The following NARS2 variants were observed in gnomAD, a reference collection of about 807,000 sequenced individuals.
NARS2 encodes asparaginyl-tRNA synthetase.
NARS2 carries 60 observed loss-of-function variants against 62.9 expected under a neutral mutation model. That is an observed-to-expected ratio of 0.95 (90% confidence interval 0.77 to 1.18). The LOEUF is 1.18. NARS2 is among the 50% of genes most tolerant of loss of function. The pLI is 0.00. For missense variants in NARS2, 619 were observed against 576.4 expected, an observed-to-expected ratio of 1.07 and a Z score of -0.76; for synonymous variants, 196 against 200.0, an observed-to-expected ratio of 0.98 and a Z score of 0.17.
chr11:78,496,433 GA>G, intron 6 of NARS2, among the ~76,000 whole-genome samples: 1 of 152,204 alleles, frequency 6.6e-6, no homozygotes, highest in African/African-American at 2.4e-5. Context: ...TCCAGAATAA[GA>G]AACTGCAGTT....
chr11:78,450,899 C>T (rs926420221), intron 11 of NARS2, among the ~76,000 whole-genome samples: 10 of 142,178 alleles, frequency 7.0e-5, no homozygotes, highest in African/African-American at 7.7e-5. Context: ...GCAGGCAGGC[C>T]TCTAACTCCT....
In NARS2 at chr11:78,436,729, C is replaced by T. The variant is rs375595759; in HGVS notation, c.1375G>A (p.Val459Ile). The T allele has an allele frequency of 3.1e-6, 5 of 1,614,074 alleles. No individual in the cohort carries two copies. The highest frequency in any genetic ancestry group is 4.2e-6 in the Non-Finnish European group (5 of 1,180,022). ...GGGATAACATCTTTGATATTGTCAA[C>T]ACCCAAGATGCACTGCAGGTAGCGT... ...FERYLQCILGVDNIKDVIPFP... is the reference protein window; with the variant it reads ...FERYLQCILGIDNIKDVIPFP... The change falls in exon 14 of 14, where the codon GTT becomes ATT. Residue 459 changes from valine (V) to isoleucine (I), a missense_variant. Coordinates refer to ENST00000281038, the MANE Select transcript of NARS2 (RefSeq NM_024678.6).
Position 78,554,508 on chromosome 11 carries a change from CGTGTGT to C in NARS2, c.594+5025_594+5030del, listed in dbSNP as rs71046981. Among the ~76,000 whole-genome samples the C allele has an allele frequency of 5.5e-3, 813 of 147,016 alleles. 6 individuals carry two copies. The highest frequency in any genetic ancestry group is 0.02 in the African/African-American group (781 of 39,398). ...TTAGCTGTATTCCTAGGCGTGTGTGCGTGTGTGTGTGTGTGTGTGTGTCAACTGTGA... is the reference window on the plus strand; with the variant it reads ...TTAGCTGTATTCCTAGGCGTGTGTGCGTGTGTGTGTGTGTGTCAACTGTGA... On this transcript the variant is annotated intron_variant, in intron 5 of 13. Transcript: ENST00000281038.
chr11:78,484,947 G>GT (rs1859508856), intron 7 of NARS2, among the ~76,000 whole-genome samples: 2 of 152,208 alleles, frequency 1.3e-5, no homozygotes, highest in South Asian at 4.1e-4. Flanking sequence ...GTTTATTGCA[G>GT]TACTATTTAC....
intron 6 of NARS2, among the ~76,000 whole-genome samples, chr11:78,524,387 C>T (rs532950088): frequency 6.7e-4 from 18 of 26,724 alleles, no homozygotes; most frequent in African/African-American, 9.2e-4. Flanking sequence ...TAATTTATTC[C>T]AACAACAACA....
intron 4 of NARS2, among the ~76,000 whole-genome samples, chr11:78,561,983 C>T (rs528173084): frequency 5.5e-4 from 84 of 152,060 alleles, no homozygotes; most frequent in African/African-American, 2.0e-3. Flanking sequence ...TGCAGTGAGC[C>T]GAGATCACGC....
chr11:78,469,088 A>G (rs1243798971), intron 10 of NARS2, among the ~76,000 whole-genome samples, 159 bp downstream of exon 10: 1 of 152,212 alleles, frequency 6.6e-6, no homozygotes, highest in Non-Finnish European at 1.5e-5. Context: ...AACAAGATTC[A>G]GCAAACATCA....
chr11:78,485,039 T>C (rs556646113), intron 7 of NARS2, among the ~76,000 whole-genome samples: 2 of 152,222 alleles, frequency 1.3e-5, no homozygotes, highest in African/African-American at 4.8e-5. Flanking sequence ...GTATGCACCA[T>C]GGAATACCAT....
intron 5 of NARS2, among the ~76,000 whole-genome samples, chr11:78,550,694 A>G (rs1856067213): frequency 6.6e-6 from 1 of 152,224 alleles, no homozygotes; most frequent in Non-Finnish European, 1.5e-5. Context: ...AGTTTTTAAA[A>G]ATGTTGAACT....
chr11:78,452,630 A>G (rs2135168604), intron 11 of NARS2, among the ~76,000 whole-genome samples: 1 of 152,064 alleles, frequency 6.6e-6, no homozygotes, highest in South Asian at 2.1e-4. Context: ...ACTGGTCTCA[A>G]ACTCCTTGGC....
chr11:78,477,033 A>G (rs575493207), intron 9 of NARS2, among the ~76,000 whole-genome samples: 1 of 152,314 alleles, frequency 6.6e-6, no homozygotes, highest in Admixed American at 6.5e-5. Flanking sequence ...TGAGCTACTG[A>G]TGTATGTAAA....
intron 11 of NARS2, among the ~76,000 whole-genome samples, chr11:78,447,320 C>A (rs1295190783): frequency 2.0e-5 from 3 of 151,826 alleles, no homozygotes; most frequent in African/African-American, 7.3e-5. Flanking sequence ...TCAGGCCCAG[C>A]TTTGAATGGC....
chr11:78,471,784 G>A (rs1304346717), intron 9 of NARS2, among the ~76,000 whole-genome samples: 1 of 149,008 alleles, frequency 6.7e-6, no homozygotes, highest in Non-Finnish European at 1.5e-5. Context: ...AATATGCGGT[G>A]TTTGGTTTTT....
intron 6 of NARS2, among the ~76,000 whole-genome samples, chr11:78,525,007 T>C (rs578022519): frequency 9.9e-5 from 15 of 152,200 alleles, no homozygotes; most frequent in African/African-American, 3.6e-4. Context: ...GGAGGAACTT[T>C]AAATTCATAT....
rs1169997721 is a variant in NARS2 at position 78,562,598 on chromosome 11, T to C, written c.514-2979A>G. 1.3e-5 allele frequency among the ~76,000 whole-genome samples: 2 copies of C among 152,156 alleles called. 1 individual carries two copies. Among genetic ancestry groups the C allele is most frequent in the Non-Finnish European group, 2.9e-5 (2 of 68,016 alleles). ...CTGAGGAAGAGGGGAAAGTAAGTAATTCATTTTAGGAACACTTCCACTGGA... is the reference window on the plus strand; with the variant it reads ...CTGAGGAAGAGGGGAAAGTAAGTAACTCATTTTAGGAACACTTCCACTGGA... On this transcript the variant is annotated intron_variant, in intron 4 of 13. Transcript: ENST00000281038.
At chr11:78,461,593 C>T (rs1004055781) in intron 11 of NARS2, among the ~76,000 whole-genome samples, 1 of 112,474 alleles carries the variant, frequency 8.9e-6, no homozygotes, top group Non-Finnish European at 1.6e-5. Flanking sequence ...GTGGGAGATG[C>T]TGTGCTGGTA....
At position 78,571,947 on chromosome 11, in the gene NARS2, C is replaced by G. The variant is rs935639617; in HGVS notation, c.142-503G>C. Among the ~76,000 whole-genome samples, 5 of 152,192 alleles carry G rather than the reference C, an allele frequency of 3.3e-5. 1 individual carries two copies. The highest frequency in any genetic ancestry group is 3.3e-4 in the Admixed American group (5 of 15,282). ...CAGAAATCTCAGCACTTTGGGAGGC[C>G]GAGAAGGACGGATCACTTGAGGTCG... On this transcript the variant is annotated intron_variant, in intron 1 of 13. Coordinates refer to ENST00000281038, the MANE Select transcript of NARS2 (RefSeq NM_024678.6).
intron 6 of NARS2, among the ~76,000 whole-genome samples, chr11:78,528,078 TACAA>T (rs1325754121): frequency 2.0e-5 from 3 of 152,162 alleles, no homozygotes; most frequent in Non-Finnish European, 4.4e-5. Context: ...ACCCCATCTC[TACAA>T]ACAATTAGCC....
At chr11:78,465,606 CA>C (rs1858587540) in intron 11 of NARS2, among the ~76,000 whole-genome samples, 1 of 152,154 alleles carries the variant, frequency 6.6e-6, no homozygotes, top group Non-Finnish European at 1.5e-5. Flanking sequence ...CAAAACAAAA[CA>C]AAACAAAATG....
Sources: gnomAD v4.1 joint callset for allele counts (sites outside exome capture counted in the v4.1 genomes callset) on GRCh38, gnomAD v4.1.1 for gene constraint, MANE v1.5 for transcripts, NCBI Gene and HGNC (gene_info 2026-07-23, HGNC 2026-07-21) for gene names.